MCC: variants seen among roughly 807,000 people sequenced by gnomAD.
The protein encoded by MCC is MCC regulator of Wnt signaling pathway.
A neutral mutation model predicts 116.2 loss-of-function variants in MCC; 90 were observed. The observed-to-expected ratio is 0.77, with a 90% CI of 0.65 to 0.92. The LOEUF (loss-of-function observed/expected upper bound fraction) is 0.92. MCC is among the 40% of genes least tolerant of loss of function. The pLI, the probability that MCC is intolerant of heterozygous loss-of-function variation, is 0.00. For missense variants in MCC, 1,516 were observed against 1,312.2 expected (o/e 1.16, Z -2.40); for synonymous variants, 578 against 510.5 (o/e 1.13, Z -1.78).
chr5:113,320,867 G>C (rs1390940701), intron 3 of MCC, among the ~76,000 whole-genome samples: 1 of 152,182 alleles, frequency 6.6e-6, no homozygotes, highest in Admixed American at 6.5e-5. Context: ...GAGTTGATGT[G>C]AATACCAATT....
At chr5:113,262,855 T>C (rs927820231) in intron 3 of MCC, among the ~76,000 whole-genome samples, 1 of 152,088 alleles carries the variant, frequency 6.6e-6, no homozygotes, top group African/African-American at 2.4e-5. Flanking sequence ...ATGCTGATAC[T>C]GCTGGTTCAC....
intron 3 of MCC, among the ~76,000 whole-genome samples, chr5:113,314,847 C>A (rs1767241007): frequency 6.6e-6 from 1 of 152,190 alleles, no homozygotes; most frequent in African/African-American, 2.4e-5. Context: ...CTCGACCTCC[C>A]AAAGTGCTGG....
At chr5:113,264,327 G>A (rs547489094) in intron 3 of MCC, among the ~76,000 whole-genome samples, 67 of 152,160 alleles carry the variant, frequency 4.4e-4, no homozygotes, top group Non-Finnish European at 7.2e-4. Flanking sequence ...TGAGCAGAGG[G>A]CCTTAGTCAC....
intron 14 of MCC, among the ~76,000 whole-genome samples, chr5:113,061,193 C>A (rs1250983117): frequency 6.6e-6 from 1 of 152,198 alleles, no homozygotes; most frequent in Non-Finnish European, 1.5e-5. Context: ...TAGAGGCTCA[C>A]GGCAAGGCTG....
chr5:113,114,372 TGTAA>T (rs1184342902), intron 6 of MCC, among the ~76,000 whole-genome samples: 3 of 152,236 alleles, frequency 2.0e-5, no homozygotes, highest in Admixed American at 6.5e-5. Context: ...AGAGCTCTCC[TGTAA>T]GTGTGTCTTC....
At chr5:113,476,668 A>G (rs1458235574) in intron 1 of MCC, among the ~76,000 whole-genome samples, 1 of 152,174 alleles carries the variant, frequency 6.6e-6, no homozygotes, top group Non-Finnish European at 1.5e-5. Flanking sequence ...CAAGCAATAA[A>G]AGGCCACAGA....
At chr5:113,305,907 C>G (rs1330253977) in intron 3 of MCC, among the ~76,000 whole-genome samples, 2 of 152,186 alleles carry the variant, frequency 1.3e-5, no homozygotes, top group African/African-American at 4.8e-5. Flanking sequence ...CATTAGCAGT[C>G]ACTCTGTATG....
chr5:113,136,892 C>A (rs148209029), intron 5 of MCC, among the ~76,000 whole-genome samples: 1 of 152,230 alleles, frequency 6.6e-6, no homozygotes, highest in East Asian at 1.9e-4. Flanking sequence ...TCCTGTTTTA[C>A]GTTGGGTAAC....
At chr5:113,457,159 G>A (rs753091154) in intron 1 of MCC, among the ~76,000 whole-genome samples, 2 of 152,198 alleles carry the variant, frequency 1.3e-5, no homozygotes, top group African/African-American at 4.8e-5. Flanking sequence ...AGGCGGGAGC[G>A]GGAACCGGGG....
chr5:113,263,077 T>C (rs1765273505), intron 3 of MCC, among the ~76,000 whole-genome samples: 1 of 151,984 alleles, frequency 6.6e-6, no homozygotes, highest in Admixed American at 6.5e-5. Flanking sequence ...GAAAGGCTGA[T>C]AAGAAACCAA....
intron 3 of MCC, among the ~76,000 whole-genome samples, chr5:113,274,140 G>A (rs111802131): frequency 0.02 from 3,118 of 152,300 alleles, 34 homozygotes; most frequent in Middle Eastern, 0.027. Context: ...CTTCAGTCAC[G>A]CCATCAGACA....
At chr5:113,235,468 G>C (rs1003323054) in intron 3 of MCC, among the ~76,000 whole-genome samples, 2 of 152,202 alleles carry the variant, frequency 1.3e-5, no homozygotes. Flanking sequence ...ATAATCCTCA[G>C]AGGAAAACAT....
At chr5:113,298,843 G>A (rs1432592793) in intron 3 of MCC, among the ~76,000 whole-genome samples, 2 of 152,178 alleles carry the variant, frequency 1.3e-5, no homozygotes, top group African/African-American at 2.4e-5. Flanking sequence ...AAGGGGAAAC[G>A]AAGACTAATG....
At position 113,104,593 on chromosome 5, in the gene MCC, A is replaced by G. The variant is rs185033350; in HGVS notation, c.1028-238T>C. The G allele has an allele frequency of 1.9e-5, 7 of 373,832 alleles. No homozygotes were observed. In the East Asian group the frequency reaches 3.0e-4, roughly 16 times the overall value. The allele number at this position is 373,832 out of a possible 1,614,324, so 23.2% of individuals were successfully genotyped here. On this transcript the variant is annotated intron_variant, in intron 6 of 18. Transcript: ENST00000408903. Reference sequence around the variant, plus strand: ...TCTGAATTCTCTTGTCTTTCACTCAAAGCAGCCACATCTTGAGTTTCTTTA... The same window carrying G: ...TCTGAATTCTCTTGTCTTTCACTCAGAGCAGCCACATCTTGAGTTTCTTTA...
intron 3 of MCC, among the ~76,000 whole-genome samples, chr5:113,163,535 T>A (rs1445600025): frequency 6.6e-6 from 1 of 152,100 alleles, no homozygotes; most frequent in Non-Finnish European, 1.5e-5. Context: ...CCTGACATCA[T>A]ATCCTAACAT....
At chr5:113,301,236 C>T (rs1048782351) in intron 3 of MCC, among the ~76,000 whole-genome samples, 2 of 152,128 alleles carry the variant, frequency 1.3e-5, no homozygotes, top group African/African-American at 2.4e-5. Flanking sequence ...GAGGCCAAGG[C>T]GGGTGGGTCA....
At position 113,471,958 on chromosome 5, in the gene MCC, G is replaced by A. The variant is rs375864529; in HGVS notation, c.170+16287C>T. Among the ~76,000 whole-genome samples the A allele has an allele frequency of 2.2e-4, 33 of 152,180 alleles. 4 individuals carry two copies. The highest frequency in any genetic ancestry group is 7.2e-4 in the Admixed American group (11 of 15,284). On this transcript the variant is annotated intron_variant, in intron 1 of 18. Coordinates refer to ENST00000408903, the MANE Select transcript of MCC (RefSeq NM_001085377.2). Reference sequence around the variant, plus strand: ...AGACTCCGTGGGCGTGGGACCCTTCGAGCCAGGTGAGGGATATAATCTCCT... The same window carrying A: ...AGACTCCGTGGGCGTGGGACCCTTCAAGCCAGGTGAGGGATATAATCTCCT...
intron 3 of MCC, among the ~76,000 whole-genome samples, chr5:113,161,091 A>T (rs986762628): frequency 6.6e-6 from 1 of 152,236 alleles, no homozygotes; most frequent in Non-Finnish European, 1.5e-5. Context: ...TTCCACTAAA[A>T]AATCCTAACT....
intron 3 of MCC, among the ~76,000 whole-genome samples, chr5:113,193,255 A>AT: frequency 6.6e-6 from 1 of 152,066 alleles, no homozygotes; most frequent in Non-Finnish European, 1.5e-5. Flanking sequence ...ATAATACAGG[A>AT]TAACAGCCTC....
Sources: gnomAD v4.1 joint callset for allele counts (sites outside exome capture counted in the v4.1 genomes callset) on GRCh38, gnomAD v4.1.1 for gene constraint, MANE v1.5 for transcripts, NCBI Gene and HGNC (gene_info 2026-07-23, HGNC 2026-07-21) for gene names.